Variants in MAST4 observed in about 807,000 individuals in gnomAD.
MAST4 encodes microtubule associated serine/threonine kinase family member 4.
In MAST4, 89 loss-of-function variants were observed where a neutral mutation model predicts 162.7. That is an observed-to-expected ratio of 0.55 (90% CI 0.46 to 0.65). The LOEUF (loss-of-function observed/expected upper bound fraction) is 0.65, where lower values mean the gene tolerates loss of function less well. MAST4 is among the 30% of genes least tolerant of loss of function. MAST4 has a pLI of 0.00. For missense variants in MAST4, 3,153 were observed against 3,374.0 expected, an observed-to-expected ratio of 0.93 and a Z score of 1.62; for synonymous variants, 1,479 against 1,361.1, an observed-to-expected ratio of 1.09 and a Z score of -1.91.
intron 4 of MAST4, among the ~76,000 whole-genome samples, chr5:66,999,903 T>C (rs1399727571): frequency 6.6e-6 from 1 of 152,224 alleles, no homozygotes; most frequent in Non-Finnish European, 1.5e-5. Context: ...TCTTTTTATC[T>C]TTCTCCATAT....
intron 1 of MAST4, among the ~76,000 whole-genome samples, chr5:66,675,741 C>T (rs1176136207): frequency 6.6e-6 from 1 of 152,086 alleles, no homozygotes; most frequent in Non-Finnish European, 1.5e-5. Flanking sequence ...TCCCTGTGAA[C>T]TGGAACAAAG....
intron 26 of MAST4, among the ~76,000 whole-genome samples, chr5:67,157,931 T>A (rs1013789473): frequency 6.6e-6 from 1 of 152,190 alleles, no homozygotes; most frequent in Non-Finnish European, 1.5e-5. Flanking sequence ...AAAAAGTCAA[T>A]CCTGAATTGT....
At chr5:66,671,681 A>G (rs1022380803) in intron 1 of MAST4, among the ~76,000 whole-genome samples, 12 of 152,222 alleles carry the variant, frequency 7.9e-5, no homozygotes, top group African/African-American at 2.7e-4. Flanking sequence ...AACCACTCCC[A>G]TACCACTACA....
chr5:66,962,324 G>T lies in MAST4; in HGVS notation c.674+62342G>T, dbSNP rs544583711. On this transcript the variant is annotated intron_variant, in intron 4 of 28. Coordinates refer to ENST00000403625, the MANE Select transcript of MAST4 (RefSeq NM_001164664.2). ...CCAGGCACGGTGGTGCATGCCCATA[G>T]TTCTTGCTACTCAGGATGCTGAGAT... 1.1e-4 allele frequency among the ~76,000 whole-genome samples: 16 copies of T among 152,316 alleles called. No individual in the cohort carries two copies. In the East Asian group the frequency reaches 3.1e-3, roughly 29 times the overall value.
Position 67,166,089 on chromosome 5 carries a change from T to C in MAST4, c.6910T>C (p.Leu2304=). The C allele has an allele frequency of 4.3e-6, 7 of 1,613,022 alleles. No homozygotes were observed. The highest frequency in any genetic ancestry group is 5.9e-6 in the Non-Finnish European group (7 of 1,179,496). Residue 2304 remains leucine (L), a synonymous_variant, in exon 29 of 29, where the codon TTG becomes CTG. Transcript: ENST00000403625. ...PLEVLEKPVH[L]PRPGHPGPSE... is the part of the protein sequence containing the mutation. ...GGAGGTGCTGGAGAAGCCTGTGCAT[T>C]TGCCAAGGCCGGGACACCCAGGGCC...
intron 5 of MAST4, among the ~76,000 whole-genome samples, 186 bp downstream of exon 5, chr5:67,054,678 C>T (rs1388781756): frequency 1.3e-5 from 2 of 152,202 alleles, no homozygotes; most frequent in East Asian, 3.9e-4. Flanking sequence ...AGTGTTTGGA[C>T]TCTAAAATAC....
At chr5:66,990,880 C>T (rs1329513649) in intron 4 of MAST4, among the ~76,000 whole-genome samples, 1 of 152,082 alleles carries the variant, frequency 6.6e-6, no homozygotes, top group Non-Finnish European at 1.5e-5. Context: ...ATTTATTGGA[C>T]TATTTCTTAG....
intron 1 of MAST4, among the ~76,000 whole-genome samples, chr5:66,716,271 G>C (rs1279957425): frequency 6.6e-6 from 1 of 152,142 alleles, no homozygotes; most frequent in Non-Finnish European, 1.5e-5. Flanking sequence ...CAGTATGCAA[G>C]AAATTATATA....
chr5:66,890,550 A>G (rs1314249191), intron 3 of MAST4, among the ~76,000 whole-genome samples: 1 of 152,214 alleles, frequency 6.6e-6, no homozygotes, highest in African/African-American at 2.4e-5. Flanking sequence ...TAAAAGTAAC[A>G]TATTCACAGG....
chr5:66,861,381 G>C (rs902382285), intron 3 of MAST4, among the ~76,000 whole-genome samples: 3 of 152,224 alleles, frequency 2.0e-5, no homozygotes, highest in African/African-American at 4.8e-5. Context: ...GTTTACTCAT[G>C]CCACGGATGT....
intron 4 of MAST4, among the ~76,000 whole-genome samples, chr5:67,006,045 T>G (rs1224248872): frequency 6.6e-6 from 1 of 152,232 alleles, no homozygotes; most frequent in Non-Finnish European, 1.5e-5. Context: ...ACCTGTAACT[T>G]TTTGTAGTAT....
chr5:66,702,490 T>TATG (rs1749846105), intron 1 of MAST4, among the ~76,000 whole-genome samples: 1 of 152,022 alleles, frequency 6.6e-6, no homozygotes, highest in Non-Finnish European at 1.5e-5. Context: ...GCTGTGTGTG[T>TATG]ATGTGGGGAG....
intron 4 of MAST4, among the ~76,000 whole-genome samples, chr5:66,978,323 G>T (rs1410144361): frequency 6.6e-6 from 1 of 152,166 alleles, no homozygotes; most frequent in African/African-American, 2.4e-5. Flanking sequence ...GACCTAAAAT[G>T]CTCCTATTCT....
At chr5:66,683,255 A>G (rs1258364417) in intron 1 of MAST4, among the ~76,000 whole-genome samples, 1 of 152,160 alleles carries the variant, frequency 6.6e-6, no homozygotes, top group African/African-American at 2.4e-5. Context: ...CTCTGACATC[A>G]CTTAGGTTGA....
chr5:66,900,234 A>G (rs527520860), intron 4 of MAST4, among the ~76,000 whole-genome samples: 2 of 152,262 alleles, frequency 1.3e-5, no homozygotes, highest in African/African-American at 4.8e-5. Flanking sequence ...AAATGCTGTT[A>G]TATAATTAAG....
intron 4 of MAST4, among the ~76,000 whole-genome samples, chr5:67,033,657 T>A (rs953434843): frequency 6.6e-6 from 1 of 152,134 alleles, no homozygotes; most frequent in African/African-American, 2.4e-5. Flanking sequence ...TAGATTTCGT[T>A]ATATGATAAG....
chr5:67,082,398 G>T (rs974968491), intron 5 of MAST4, among the ~76,000 whole-genome samples: 5 of 152,156 alleles, frequency 3.3e-5, no homozygotes, highest in Non-Finnish European at 1.5e-5. Context: ...CTCCCAAAGT[G>T]CTGGGATTGC....
chr5:66,708,871 G>T (rs1014892246), intron 1 of MAST4, among the ~76,000 whole-genome samples: 5 of 152,164 alleles, frequency 3.3e-5, no homozygotes, highest in African/African-American at 1.2e-4. Flanking sequence ...GGGAAAAAAA[G>T]CATTAAATGC....
At chr5:66,598,505 C>T (rs1267012903) in intron 1 of MAST4, among the ~76,000 whole-genome samples, 1 of 152,192 alleles carries the variant, frequency 6.6e-6, no homozygotes, top group Non-Finnish European at 1.5e-5. Context: ...GTTCCTCACC[C>T]ACCGCAGAGC....
Sources: gnomAD v4.1 joint callset for allele counts (sites outside exome capture counted in the v4.1 genomes callset) on GRCh38, gnomAD v4.1.1 for gene constraint, MANE v1.5 for transcripts, NCBI Gene and HGNC (gene_info 2026-07-23, HGNC 2026-07-21) for gene names.